FAAH2: variants seen among roughly 807,000 people sequenced by gnomAD.
The protein encoded by FAAH2 is fatty-acid amide hydrolase 2.
FAAH2 carries 60 observed loss-of-function variants against 36.9 expected under a neutral mutation model. That is an observed-to-expected ratio of 1.63 (90% CI 1.32 to 2.02). The LOEUF is 2.02. FAAH2 is among the 30% of genes most tolerant of loss of function. The probability of loss-of-function intolerance (pLI) is 0.00; values close to 1 mark genes in which losing one functional copy is unlikely to be tolerated. For missense variants in FAAH2, 689 were observed against 397.5 expected (o/e 1.73, Z -6.23); for synonymous variants, 214 against 143.8 (o/e 1.49, Z -3.49).
At chrX:57,179,213 A>G in the FAAH2 span, among the ~76,000 whole-genome samples, 1 of 111,804 alleles carries the variant, frequency 8.9e-6, no homozygotes, top group African/African-American at 3.3e-5. Flanking sequence ...CAACTATACA[A>G]AAATGTCTGG....
the FAAH2 span, among the ~76,000 whole-genome samples, chrX:57,202,685 G>A: frequency 1.8e-5 from 2 of 111,831 alleles, no homozygotes; most frequent in Non-Finnish European, 3.8e-5. Context: ...CAGTCATCAG[G>A]TGGTAAATCC....
intron 7 of FAAH2, among the ~76,000 whole-genome samples, chrX:57,413,066 T>A (rs1314887559): frequency 8.9e-6 from 1 of 111,977 alleles, no homozygotes; most frequent in Non-Finnish European, 1.9e-5. Context: ...CACTTTTTGG[T>A]GAGGTTTGTT....
At chrX:57,272,149 T>A in the FAAH2 span, among the ~76,000 whole-genome samples, 33 of 105,766 alleles carry the variant, frequency 3.1e-4, no homozygotes, top group Non-Finnish European at 6.4e-4. Flanking sequence ...AGAAAGGATA[T>A]CAGTGATTGA....
In FAAH2 at chrX:57,331,594, T is replaced by G; in HGVS notation, c.413-4T>G. 8.3e-7 allele frequency: 1 copy of G among 1,203,309 alleles called. No individual in the cohort carries two copies. The highest frequency in any genetic ancestry group is 1.8e-5 in the South Asian group (1 of 55,882). ...TTAAACATTCTTTTCTGTGACTCTT[T>G]TAGGAATGCCCAATTCTTCTGGACT... On this transcript the variant is annotated splice_polypyrimidine_tract_variant and splice_region_variant and intron_variant, in intron 3 of 10. Transcript: ENST00000374900.
At chrX:57,168,411 CAA>C in the FAAH2 span, among the ~76,000 whole-genome samples, 1 of 110,698 alleles carries the variant, frequency 9.0e-6, no homozygotes, top group East Asian at 2.9e-4. Context: ...CACACACACA[CAA>C]ACACACATTT....
the FAAH2 span, among the ~76,000 whole-genome samples, chrX:57,201,037 C>T: frequency 1.9e-5 from 2 of 103,068 alleles, no homozygotes; most frequent in Non-Finnish European, 3.9e-5. Flanking sequence ...ACTAATTATG[C>T]TATGCTAGGG....
chrX:57,464,554 CTAAT>C (rs1440486518), intron 10 of FAAH2, among the ~76,000 whole-genome samples: 14 of 101,333 alleles, frequency 1.4e-4, no homozygotes, highest in African/African-American at 4.6e-4. Context: ...CAAATGAGTC[CTAAT>C]TAAAGTAAAG....
intron 5 of FAAH2, among the ~76,000 whole-genome samples, chrX:57,376,801 A>G (rs975939184): frequency 1.1e-4 from 12 of 111,977 alleles, no homozygotes; most frequent in Non-Finnish European, 1.9e-4. Context: ...ATTTCTCCAC[A>G]TTCTCTCCAG....
At chrX:57,347,604 G>GTTTTTTTTTTTTTTTTTTT (rs61323098) in intron 5 of FAAH2, among the ~76,000 whole-genome samples, 2 of 77,884 alleles carry the variant, frequency 2.6e-5, no homozygotes, top group African/African-American at 1.3e-4. Flanking sequence ...GGGATGCTAA[G>GTTTTTTTTTTTTTTTTTTT]TTTTTTTTTT....
chrX:57,477,180 T>G (rs1365978703), intron 10 of FAAH2, among the ~76,000 whole-genome samples: 1 of 110,787 alleles, frequency 9.0e-6, no homozygotes, highest in Non-Finnish European at 1.9e-5. Context: ...TTTTGAAGGG[T>G]TTTTCATGTC....
chrX:57,318,973 T>A (rs1390577102), intron 3 of FAAH2, among the ~76,000 whole-genome samples: 3 of 111,546 alleles, frequency 2.7e-5, no homozygotes, highest in African/African-American at 9.8e-5. Context: ...TTCAACACCC[T>A]TTCATGCTAA....
At position 57,460,785 on chromosome X, in the gene FAAH2, A is replaced by C. The variant is rs148178345; in HGVS notation, c.1423+12067A>C. The stretch of plus-strand genomic sequence containing the variant: ...TAGCTAGCATCATGATGACAGAATC[A>C]ATTTCACACACAACAATATTAACCT... On this transcript the variant is annotated intron_variant, in intron 10 of 10. Coordinates refer to ENST00000374900, the MANE Select transcript of FAAH2 (RefSeq NM_174912.4). Among the ~76,000 whole-genome samples, 355 of 112,022 alleles carry C rather than the reference A, an allele frequency of 3.2e-3. 2 individuals carry two copies. Among genetic ancestry groups the C allele is most frequent in the South Asian group, 0.011 (29 of 2,676 alleles).
At chrX:57,202,837 G>A in the FAAH2 span, among the ~76,000 whole-genome samples, 1 of 111,675 alleles carries the variant, frequency 9.0e-6, no homozygotes, top group African/African-American at 3.3e-5. Context: ...GGCTGGGCTG[G>A]CACTCAAACC....
intron 7 of FAAH2, among the ~76,000 whole-genome samples, chrX:57,398,846 C>A (rs1214520814): frequency 3.6e-5 from 4 of 111,515 alleles, no homozygotes; most frequent in Admixed American, 2.9e-4. Context: ...CTTAGGAATT[C>A]TTATTCGGCC....
At chrX:57,279,644 A>G in the FAAH2 span, among the ~76,000 whole-genome samples, 1 of 112,214 alleles carries the variant, frequency 8.9e-6, no homozygotes, top group Non-Finnish European at 1.9e-5. Context: ...CTTATTTATC[A>G]TAATCAAGTA....
intron 7 of FAAH2, among the ~76,000 whole-genome samples, chrX:57,386,621 T>C (rs1263733649): frequency 8.9e-6 from 1 of 112,111 alleles, no homozygotes; most frequent in Non-Finnish European, 1.9e-5. Flanking sequence ...AATAACTTAA[T>C]GTACAGACTC....
At chrX:57,262,346 G>T in the FAAH2 span, among the ~76,000 whole-genome samples, 1 of 111,304 alleles carries the variant, frequency 9.0e-6, no homozygotes, top group Non-Finnish European at 1.9e-5. Flanking sequence ...TGCAAAGATA[G>T]GGAAGATAAT....
At chrX:57,155,419 C>T in the FAAH2 span, among the ~76,000 whole-genome samples, 1 of 111,429 alleles carries the variant, frequency 9.0e-6, no homozygotes, top group Non-Finnish European at 1.9e-5. Context: ...TCTGCTTTGT[C>T]ATGCAGGTTA....
chrX:57,394,361 C>T, intron 7 of FAAH2: 7 of 1,182,494 alleles, frequency 5.9e-6, no homozygotes, highest in Admixed American at 2.2e-5. Context: ...GTGCTTCAGG[C>T]GTTCTAGTGC....
Sources: allele counts gnomAD v4.1 joint callset (sites outside exome capture counted in the v4.1 genomes callset), GRCh38; gene constraint gnomAD v4.1.1; transcripts MANE v1.5; gene names NCBI Gene and HGNC (gene_info 2026-07-23, HGNC 2026-07-21).